The following SLC22A25 variants were observed in gnomAD, a reference collection of about 807,000 sequenced individuals.
SLC22A25 encodes the protein solute carrier family 22 member 25, also known as MGI:2442751, MGI:2385316, MGI:3042283, MGI:3645714, MGI:3605624, MGI:2442750.
SLC22A25 carries 44 observed loss-of-function variants against 45.9 expected under a neutral mutation model. The observed-to-expected ratio is 0.96, with a 90% CI of 0.75 to 1.23. The LOEUF (loss-of-function observed/expected upper bound fraction) is 1.23, where lower values mean the gene tolerates loss of function less well. Among genes scored for constraint, SLC22A25 ranks in the 50% most tolerant of loss-of-function variants. The probability of loss-of-function intolerance (pLI) is 0.00; values close to 1 mark genes in which losing one functional copy is unlikely to be tolerated. For missense variants in SLC22A25, 800 were observed against 666.4 expected, an observed-to-expected ratio of 1.20 and a Z score of -2.21; for synonymous variants, 283 against 238.6, an observed-to-expected ratio of 1.19 and a Z score of -1.72.
intron 9 of SLC22A25, among the ~76,000 whole-genome samples, chr11:63,178,719 T>C (rs548791849): frequency 3.4e-4 from 52 of 152,210 alleles, no homozygotes; most frequent in African/African-American, 1.2e-3. Flanking sequence ...TAATCCCTTG[T>C]CGGTTGAATA....
At chr11:63,218,710 G>C (rs56303533) in intron 5 of SLC22A25, among the ~76,000 whole-genome samples, 3,866 of 152,212 alleles carry the variant, frequency 0.025, 66 homozygotes, top group Middle Eastern at 0.051. Context: ...CAATACATCA[G>C]AGTGGGTTAA....
At chr11:63,198,718 A>G (rs1001721100) in intron 7 of SLC22A25, among the ~76,000 whole-genome samples, 1 of 151,546 alleles carries the variant, frequency 6.6e-6, no homozygotes, top group African/African-American at 2.4e-5. Context: ...TAAGTATAAT[A>G]AAAAAAAGAA....
chr11:63,235,695 G>A (rs758315914), intron 3 of SLC22A25, among the ~76,000 whole-genome samples: 21 of 152,310 alleles, frequency 1.4e-4, no homozygotes, highest in East Asian at 3.9e-4. Context: ...GAGGAGCTGC[G>A]TTCCTTTAGA....
At chr11:63,229,136 G>A in intron 4 of SLC22A25, 115 bp downstream of exon 4, 2 of 1,117,732 alleles carry the variant, frequency 1.8e-6, no homozygotes, top group Non-Finnish European at 1.2e-6. Context: ...AATGTTTCCT[G>A]AAAGAATGAA....
intron 7 of SLC22A25, among the ~76,000 whole-genome samples, chr11:63,210,024 A>G (rs975525495): frequency 9.2e-5 from 14 of 152,352 alleles, no homozygotes; most frequent in Admixed American, 6.5e-4. Flanking sequence ...GGCAATGAAT[A>G]TGAGTAAAAT....
intron 5 of SLC22A25, among the ~76,000 whole-genome samples, chr11:63,225,014 G>A (rs983892492): frequency 6.6e-6 from 1 of 152,186 alleles, no homozygotes; most frequent in Non-Finnish European, 1.5e-5. Context: ...CAGGAGAATG[G>A]CGTGAACCCA....
Position 63,158,570 on chromosome 11 carries a change from T to A in SLC22A25, c.*5254A>T, listed in dbSNP as rs1338675186. Among the ~76,000 whole-genome samples, 1 of 152,188 alleles carries A rather than the reference T, an allele frequency of 6.6e-6. No individual in the cohort carries two copies. The highest frequency in any genetic ancestry group is 1.5e-5 in the Non-Finnish European group (1 of 68,038). On this transcript the variant is annotated 3_prime_UTR_variant, in exon 12 of 12. Transcript: ENST00000306494. ...GTCATGGAGAATGGGGTATCCATCT[T>A]CTCAGTCATTTATCCTTTGTGTTAC...
chr11:63,220,071 C>G, intron 5 of SLC22A25: 4 of 1,171,074 alleles, frequency 3.4e-6, no homozygotes, highest in Non-Finnish European at 4.5e-6. Flanking sequence ...CCAAACTTCT[C>G]ATGTCACAGA....
In SLC22A25 at chr11:63,219,939, C is replaced by T. The variant is rs117960232; in HGVS notation, c.507-2204G>A. Reference sequence around the variant, plus strand: ...GGGTTTCAGGAGAGATACCAGAAGACGTGATGCTGGTGGATGGCAATGGGC... The same window carrying T: ...GGGTTTCAGGAGAGATACCAGAAGATGTGATGCTGGTGGATGGCAATGGGC... On this transcript the variant is annotated intron_variant, in intron 5 of 11. Transcript: ENST00000306494. The T allele has an allele frequency of 7.1e-5, 91 of 1,289,202 alleles. 1 individual carries two copies. The East Asian group carries it at 1.2e-3, about 17-fold the overall frequency. 79.9% of individuals were successfully genotyped at this position (1,289,202 alleles called of 1,614,324 possible). A position where few individuals can be genotyped will look rare whatever the true frequency, so the allele number is the denominator to read the frequency against.
At chr11:63,184,321 G>A (rs1183709482) in intron 7 of SLC22A25, among the ~76,000 whole-genome samples, 2 of 152,060 alleles carry the variant, frequency 1.3e-5, no homozygotes, top group Non-Finnish European at 2.9e-5. Flanking sequence ...CTATGTAAAT[G>A]GGACAATGTT....
Position 63,180,733 on chromosome 11 carries a change from T to C in SLC22A25, c.997A>G (p.Lys333Glu). Reference sequence around the variant, plus strand: ...AGCAATTCACAAAGAGAATGCTTTTTCTGTGCTGCCTCCAGTTCTTGCTTC... The same window carrying C: ...AGCAATTCACAAAGAGAATGCTTTTCCTGTGCTGCCTCCAGTTCTTGCTTC... ...TMKQELEAAQ[K>E]KHSLCELLRI... The change falls in exon 9 of 12, where the codon AAA (lysine) becomes GAA (glutamate). Residue 333 changes from lysine to glutamate, a missense_variant. By Grantham distance (56) the Lys-to-Glu change is moderately conservative. Coordinates refer to ENST00000306494, the MANE Select transcript of SLC22A25 (RefSeq NM_199352.6). 1.2e-6 allele frequency: 2 copies of C among 1,613,296 alleles called. No homozygotes were observed. Among genetic ancestry groups the C allele is most frequent in the Non-Finnish European group, 1.7e-6 (2 of 1,179,542 alleles).
chr11:63,163,975 C>T lies in SLC22A25; in HGVS notation c.1493G>A (p.Trp498Ter), dbSNP rs765779543. ...ILSIYSRPLP[W>*]IIYGVFAILS... ...GATGGCAAAGACTCCATAGATGATC[C>T]AGGGCAGGGGTCGAGAATATATGCT... The change falls in exon 12 of 12, where the codon TGG (tryptophan) becomes TAG (stop). Residue 498 changes from tryptophan to a stop codon, truncating the protein, a stop_gained. Coordinates refer to ENST00000306494, the MANE Select transcript of SLC22A25 (RefSeq NM_199352.6). LOFTEE classifies it low-confidence loss of function (END_TRUNC). The T allele has an allele frequency of 9.3e-6, 15 of 1,613,860 alleles. No homozygotes were observed. The highest frequency in any genetic ancestry group is 1.3e-5 in the Non-Finnish European group (15 of 1,179,894).
At chr11:63,211,129 G>A (rs1161672953) in intron 7 of SLC22A25, among the ~76,000 whole-genome samples, 1 of 152,094 alleles carries the variant, frequency 6.6e-6, no homozygotes, top group Non-Finnish European at 1.5e-5. Flanking sequence ...AAACCCCCCT[G>A]GACTTGCTGC....
At chr11:63,189,636 G>A (rs1021302860) in intron 7 of SLC22A25, among the ~76,000 whole-genome samples, 5 of 152,238 alleles carry the variant, frequency 3.3e-5, no homozygotes, top group Admixed American at 2.0e-4. Flanking sequence ...TTTCTTCCTA[G>A]CATCGATGGT....
chr11:63,217,758 A>G (rs369920257), intron 5 of SLC22A25, 23 bp from the exon 6 acceptor site: 487 of 1,586,664 alleles, frequency 3.1e-4, no homozygotes, highest in Non-Finnish European at 3.8e-4. Context: ...GGCACATTAG[A>G]TAATGGGAAC....
At chr11:63,215,717 C>T (rs2089692360) in intron 7 of SLC22A25, among the ~76,000 whole-genome samples, 1 of 151,882 alleles carries the variant, frequency 6.6e-6, no homozygotes, top group Admixed American at 6.6e-5. Flanking sequence ...TTTTCATCAC[C>T]CAGGTATTAA....
At chr11:63,227,504 G>A (rs2134836341) in intron 5 of SLC22A25, among the ~76,000 whole-genome samples, 1 of 152,216 alleles carries the variant, frequency 6.6e-6, no homozygotes, top group Admixed American at 6.5e-5. Flanking sequence ...TACTGTGGCT[G>A]AGCTGGTATC....
At chr11:63,171,379 C>T (rs752887399) in intron 9 of SLC22A25, among the ~76,000 whole-genome samples, 1 of 151,446 alleles carries the variant, frequency 6.6e-6, no homozygotes. Flanking sequence ...ATTGTCTCTG[C>T]AGATGACATG....
chr11:63,171,323 A>G (rs1443306715), intron 9 of SLC22A25, among the ~76,000 whole-genome samples: 3 of 152,206 alleles, frequency 2.0e-5, no homozygotes. Flanking sequence ...GTAACCAGGC[A>G]AGAGAAGGAA....
Sources: allele counts gnomAD v4.1 joint callset (sites outside exome capture counted in the v4.1 genomes callset), GRCh38; gene constraint gnomAD v4.1.1; transcripts MANE v1.5; gene names NCBI Gene and HGNC (gene_info 2026-07-23, HGNC 2026-07-21).